Variants in PPP1R9B observed in about 807,000 individuals in gnomAD.
PPP1R9B encodes protein phosphatase 1 regulatory subunit 9B, also known as neurabin-2.
PPP1R9B carries 17 observed loss-of-function variants against 75.8 expected under a neutral mutation model. The ratio of observed to expected loss-of-function variants is 0.22; its 90% CI spans 0.15 to 0.34. The LOEUF (loss-of-function observed/expected upper bound fraction) is 0.34. PPP1R9B is among the 10% of genes least tolerant of loss of function. The pLI is 1.00. For missense variants in PPP1R9B, 875 were observed against 1,196.0 expected (o/e 0.73, Z 3.96); for synonymous variants, 509 against 535.4 (o/e 0.95, Z 0.68).
chr17:50,135,853 A>G, intron 8 of PPP1R9B, 115 bp downstream of exon 8: 1 of 940,752 alleles, frequency 1.1e-6, no homozygotes, highest in Non-Finnish European at 1.6e-6. Context: ...TGTCCCCACC[A>G]TGGGGCCCTC....
In PPP1R9B at chr17:50,149,407, G is replaced by A. The variant is rs752527656; in HGVS notation, c.1107C>T (p.Gly369=). 18 of 1,612,230 alleles carry A rather than the reference G, an allele frequency of 1.1e-5. No individual in the cohort carries two copies. Among genetic ancestry groups the A allele is most frequent in the Admixed American group, 1.0e-4 (6 of 59,980 alleles). ...CCTCAGGGGCCACGTCCGGGGCCCG[G>A]CCATTGCCCACCCCCCTCTCTGGCG... is the stretch of plus-strand genomic sequence containing the variant. ...VAPPERGVGN[G]RAPDVAPEEV... The change falls in exon 1 of 10, where the codon GGC becomes GGT. Residue 369 remains glycine, a synonymous_variant. Transcript: ENST00000612501. The surrounding 1 kb of genome is among the most constrained non-coding windows in gnomAD (Gnocchi z 7.2).
Position 50,142,240 on chromosome 17 carries a change from C to CT in PPP1R9B, c.1626-868dup, listed in dbSNP as rs1464646237. The stretch of plus-strand genomic sequence containing the variant: ...GGGGGGCCTCTCAGACACCTCCCTC[C>CT]TCCACTCCACCTCCCTGGGAGCTCC... On this transcript the variant is annotated intron_variant, in intron 3 of 9. Coordinates refer to ENST00000612501, the MANE Select transcript of PPP1R9B (RefSeq NM_032595.5). This position sits in a 1 kb window ranked among gnomAD's most constrained non-coding sequence, Gnocchi z 4.1. Among the ~76,000 whole-genome samples, 1 of 152,132 alleles carries CT rather than the reference C, an allele frequency of 6.6e-6. No homozygotes were observed. The highest frequency in any genetic ancestry group is 1.5e-5 in the Non-Finnish European group (1 of 68,012).
At position 50,146,389 on chromosome 17, in the gene PPP1R9B, G is replaced by C. The variant is rs371200246; in HGVS notation, c.1372-1144C>G. ...GGATGGGGAACAGCTCTATCAGTTGGCTGAGTCTGAGCCCCGAGGAGTCAG... is the reference window on the plus strand; with the variant it reads ...GGATGGGGAACAGCTCTATCAGTTGCCTGAGTCTGAGCCCCGAGGAGTCAG... On this transcript the variant is annotated intron_variant, in intron 1 of 9. Transcript: ENST00000612501. Among the ~76,000 whole-genome samples the C allele has an allele frequency of 7.9e-5, 12 of 152,288 alleles. No homozygotes were observed. In the East Asian group the frequency reaches 2.1e-3, roughly 27 times the overall value.
rs1422323426 is a variant in PPP1R9B, at chr17:50,134,602, T to C, written c.*729A>G. The stretch of plus-strand genomic sequence containing the variant: ...GGAAGAGGGGAGGCACAAGGAGAAA[T>C]TGAGGGCTGCTGCCCCAGGCAATGG... On this transcript the variant is annotated 3_prime_UTR_variant, in exon 10 of 10. Coordinates refer to ENST00000612501, the MANE Select transcript of PPP1R9B (RefSeq NM_032595.5). 7.2e-5 allele frequency: 11 copies of C among 152,736 alleles called. No homozygotes were observed. Among genetic ancestry groups the C allele is most frequent in the African/African-American group, 2.4e-4 (10 of 41,534 alleles). The allele number at this position is 152,736 out of a possible 1,614,324, so 9.5% of individuals were successfully genotyped here.
Position 50,149,219 on chromosome 17 carries a change from A to G in PPP1R9B, c.1295T>C (p.Val432Ala). The G allele has an allele frequency of 6.2e-7, 1 of 1,608,368 alleles. No individual in the cohort carries two copies. Among genetic ancestry groups the G allele is most frequent in the South Asian group, 1.1e-5 (1 of 90,430 alleles). Residue 432 changes from valine to alanine, a missense_variant, in exon 1 of 10, where the codon GTG (valine) becomes GCG (alanine). Physicochemically the swap from Val to Ala is moderately conservative, Grantham distance 64. Coordinates refer to ENST00000612501, the MANE Select transcript of PPP1R9B (RefSeq NM_032595.5). The surrounding 1 kb of genome is among the most constrained non-coding windows in gnomAD (Gnocchi z 7.2). The part of the protein sequence containing the change: ...EPPYEPESGC[V>A]EIPGLSEEED... ...CTCCTCCGACAGCCCCGGGATCTCC[A>G]CGCACCCCGACTCGGGCTCGTAGGG...
chr17:50,143,492 T>A (rs1912439020), intron 3 of PPP1R9B, 106 bp downstream of exon 3: 2 of 1,397,174 alleles, frequency 1.4e-6, no homozygotes, highest in South Asian at 1.3e-5. Context: ...AGCACGGAAA[T>A]CTCCCAGGGA....
At chr17:50,147,832 T>A (rs1010102812) in intron 1 of PPP1R9B, among the ~76,000 whole-genome samples, 1 of 152,026 alleles carries the variant, frequency 6.6e-6, no homozygotes, top group African/African-American at 2.4e-5. Flanking sequence ...TTCAGGCCTC[T>A]TGCTGGGGTG....
intron 1 of PPP1R9B, among the ~76,000 whole-genome samples, chr17:50,148,514 G>A (rs1479858051): frequency 6.6e-6 from 1 of 152,226 alleles, no homozygotes; most frequent in Non-Finnish European, 1.5e-5. Context: ...GGACCCCCAG[G>A]GAACACGGCG....
rs1463950221 is a variant in PPP1R9B, at chr17:50,149,245, G to A, written c.1269C>T (p.Pro423=). 6.2e-7 allele frequency: 1 copy of A among 1,611,200 alleles called. No homozygotes were observed. Among genetic ancestry groups the A allele is most frequent in the Non-Finnish European group, 8.5e-7 (1 of 1,179,030 alleles). Reference sequence around the variant, plus strand: ...CGCACCCCGACTCGGGCTCGTAGGGGGGCTCCCCATCCTCCTCGTCGTCTT... The same window carrying A: ...CGCACCCCGACTCGGGCTCGTAGGGAGGCTCCCCATCCTCCTCGTCGTCTT... ...DDEDDEEDGE[P]PYEPESGCVE... is the part of the protein sequence containing the mutation. The change falls in exon 1 of 10, where the codon CCC becomes CCT. Residue 423 remains proline, a synonymous_variant. Transcript: ENST00000612501. The surrounding 1 kb of genome is among the most constrained non-coding windows in gnomAD (Gnocchi z 7.2).
chr17:50,143,796 C>T (rs908504307), intron 2 of PPP1R9B, 78 bp from the exon 3 acceptor site: 15 of 1,582,110 alleles, frequency 9.5e-6, no homozygotes, highest in South Asian at 1.1e-5. Flanking sequence ...TTCCAGGGCA[C>T]AGCCCCCCCA....
At position 50,133,898 on chromosome 17, in the gene PPP1R9B, C is replaced by T. The variant is rs1054338186; in HGVS notation, c.*1433G>A. On this transcript the variant is annotated 3_prime_UTR_variant, in exon 10 of 10. Coordinates refer to ENST00000612501, the MANE Select transcript of PPP1R9B (RefSeq NM_032595.5). ...GCAGCCCGAAGCGGCCCCGCCCACCCGGTTCCGCCCCCTCCATCTGCCGGG... is the reference window on the plus strand; with the variant it reads ...GCAGCCCGAAGCGGCCCCGCCCACCTGGTTCCGCCCCCTCCATCTGCCGGG... 2.0e-5 allele frequency: 3 copies of T among 152,682 alleles called. No individual in the cohort carries two copies. The highest frequency in any genetic ancestry group is 6.5e-5 in the Admixed American group (1 of 15,288). 9.5% of individuals were successfully genotyped at this position (152,682 alleles called of 1,614,324 possible).
Position 50,149,716 on chromosome 17 carries a change from CG to C in PPP1R9B, c.797del (p.Pro266ArgfsTer53). 1 of 1,410,512 alleles carries C rather than the reference CG, an allele frequency of 7.1e-7. No individual in the cohort carries two copies. The highest frequency in any genetic ancestry group is 9.2e-7 in the Non-Finnish European group (1 of 1,090,966). 87.4% of individuals were successfully genotyped at this position (1,410,512 alleles called of 1,614,324 possible). ...CTGCGGGGCATCGCTCTTTCTCGGC[CG>C]GGGCATCCCCCGACGGGGCGGGCGG... ...PPPPAPSGDAPAEKERCPAGQ... is the reference protein window; with the variant it reads ...PPPPAPSGDAXAEKERCPAGQ... On this transcript the variant is annotated frameshift_variant, in exon 1 of 10. Coordinates refer to ENST00000612501, the MANE Select transcript of PPP1R9B (RefSeq NM_032595.5). LOFTEE classifies it high-confidence loss of function. This position sits in a 1 kb window ranked among gnomAD's most constrained non-coding sequence, Gnocchi z 7.2.
intron 1 of PPP1R9B, 76 bp from the exon 2 acceptor site, chr17:50,145,321 C>T: frequency 6.3e-7 from 1 of 1,586,756 alleles, no homozygotes; most frequent in Non-Finnish European, 8.6e-7. Context: ...GCCGAGGAGG[C>T]AGGCTGAGTT....
chr17:50,141,073 G>C (rs1912363316), intron 4 of PPP1R9B, among the ~76,000 whole-genome samples, 196 bp downstream of exon 4: 1 of 152,176 alleles, frequency 6.6e-6, no homozygotes, highest in African/African-American at 2.4e-5. Flanking sequence ...GTGGCCAGCT[G>C]TTGCCAGGGA....
In PPP1R9B at chr17:50,139,530, C is replaced by T. The variant is rs1028947691; in HGVS notation, c.1918G>A (p.Gly640Ser). ...AACACCTCGATGGCCATCTCACCAC[C>T]CGGGAACGTGGGGCTCAGCTCCTCA... ...EDEELSPTFP[G>S]GEMAIEVFEL... The change falls in exon 6 of 10, where the codon GGT becomes AGT. Residue 640 changes from glycine to serine, a missense_variant. This residue lies in a region of PPP1R9B where 218 missense variants were observed against 334.6 expected (regional missense o/e 0.65). Transcript: ENST00000612501. This position sits in a 1 kb window ranked among gnomAD's most constrained non-coding sequence, Gnocchi z 5.0. The T allele has an allele frequency of 7.5e-6, 12 of 1,595,606 alleles. No individual in the cohort carries two copies. Among genetic ancestry groups the T allele is most frequent in the Non-Finnish European group, 9.4e-6 (11 of 1,169,394 alleles).
rs995880843 is a variant in PPP1R9B at position 50,139,722 on chromosome 17, T to C, written c.1867-141A>G. On this transcript the variant is annotated intron_variant, in intron 5 of 9. Coordinates refer to ENST00000612501, the MANE Select transcript of PPP1R9B (RefSeq NM_032595.5). This position sits in a 1 kb window ranked among gnomAD's most constrained non-coding sequence, Gnocchi z 5.0. Reference sequence around the variant, plus strand: ...CATGCCTCCCACTTCAGCCTGAGGCTGGACCAGAGACACGGTTTATGTCTT... The same window carrying C: ...CATGCCTCCCACTTCAGCCTGAGGCCGGACCAGAGACACGGTTTATGTCTT... 4 of 987,558 alleles carry C rather than the reference T, an allele frequency of 4.1e-6. No individual in the cohort carries two copies. The African/African-American group carries it at 4.9e-5, about 12-fold the overall frequency. 61.2% of individuals were successfully genotyped at this position (987,558 alleles called of 1,614,324 possible).
intron 7 of PPP1R9B, among the ~76,000 whole-genome samples, chr17:50,138,425 G>A (rs1330941087): frequency 6.6e-6 from 1 of 151,874 alleles, no homozygotes; most frequent in East Asian, 1.9e-4. Flanking sequence ...GTGTAGAGTG[G>A]GTGTCTCTAT....
chr17:50,136,120 C>T lies in PPP1R9B; in HGVS notation c.2151G>A (p.Lys717=). The change falls in exon 8 of 10, where the codon AAG becomes AAA. Residue 717 remains lysine (K), a synonymous_variant. Coordinates refer to ENST00000612501, the MANE Select transcript of PPP1R9B (RefSeq NM_032595.5). ...AGCCTTCCAGTTTCTCCATGCGCTC[C>T]TTGTTCTCCTCCACACTCTGCTCCA... ...AQLEQSVEEN[K]ERMEKLEGYW... 2 of 1,609,032 alleles carry T rather than the reference C, an allele frequency of 1.2e-6. No homozygotes were observed. The highest frequency in any genetic ancestry group is 1.7e-6 in the Non-Finnish European group (2 of 1,179,836).
rs755073780 is a variant in PPP1R9B at position 50,142,014 on chromosome 17, G to A, written c.1626-641C>T. 1.2e-4 allele frequency among the ~76,000 whole-genome samples: 18 copies of A among 152,166 alleles called. No homozygotes were observed. The highest frequency in any genetic ancestry group is 3.1e-4 in the African/African-American group (13 of 41,430). On this transcript the variant is annotated intron_variant, in intron 3 of 9. Coordinates refer to ENST00000612501, the MANE Select transcript of PPP1R9B (RefSeq NM_032595.5). The surrounding 1 kb of genome is among the most constrained non-coding windows in gnomAD (Gnocchi z 4.1). ...CACAAGTGACATGCCACCCTCTTAC[G>A]TGTACATTTCTGCACAGAACTGAGT...
Sources: gnomAD v4.1 joint callset for allele counts (sites outside exome capture counted in the v4.1 genomes callset) on GRCh38, gnomAD v4.1.1 for gene constraint, gnomAD v4.1.1 regional missense constraint, Gnocchi (gnomAD v3.1) non-coding constraint, MANE v1.5 for transcripts, NCBI Gene and HGNC (gene_info 2026-07-23, HGNC 2026-07-21) for gene names.